KCNIP4: variants seen among roughly 807,000 people sequenced by gnomAD.
KCNIP4 encodes Kv channel-interacting protein 4.
In KCNIP4, 12 loss-of-function variants were observed where a neutral mutation model predicts 34.0. That is an observed-to-expected ratio of 0.35 (90% CI 0.23 to 0.57). KCNIP4 has a LOEUF of 0.57. KCNIP4 is among the 20% of genes least tolerant of loss of function. KCNIP4 has a pLI of 0.83. For missense variants in KCNIP4, 238 were observed against 311.7 expected, an observed-to-expected ratio of 0.76 and a Z score of 1.78; for synonymous variants, 124 against 102.2, an observed-to-expected ratio of 1.21 and a Z score of -1.29.
chr4:21,701,253 A>C (rs1282004265), intron 1 of KCNIP4, among the ~76,000 whole-genome samples: 1 of 152,206 alleles, frequency 6.6e-6, no homozygotes, highest in African/African-American at 2.4e-5. Flanking sequence ...AGAGGATGAG[A>C]GGGAAGGGCT....
intron 1 of KCNIP4, among the ~76,000 whole-genome samples, chr4:21,300,749 C>T (rs1308841001): frequency 6.6e-6 from 1 of 152,078 alleles, no homozygotes; most frequent in African/African-American, 2.4e-5. Flanking sequence ...AAAGATTAGT[C>T]TAACCATTAT....
rs10553440 is a variant in KCNIP4, at chr4:21,122,457, G to GT, written c.62-239749dup. Reference sequence around the variant, plus strand: ...AGTGGGGTTAATTTTTGCAGATCAAGTTTTTTTTTTTTTTTTTTTAAGTGC... The same window carrying GT: ...AGTGGGGTTAATTTTTGCAGATCAAGTTTTTTTTTTTTTTTTTTTTAAGTGC... On this transcript the variant is annotated intron_variant, in intron 1 of 8. Coordinates refer to ENST00000382152, the MANE Select transcript of KCNIP4 (RefSeq NM_025221.6). 2.3e-3 allele frequency among the ~76,000 whole-genome samples: 290 copies of GT among 126,376 alleles called. 1 individual carries two copies. Among genetic ancestry groups the GT allele is most frequent in the Admixed American group, 5.5e-3 (71 of 12,816 alleles). 82.9% of individuals were successfully genotyped at this position (126,376 alleles called of 152,430 possible). A position where few individuals can be genotyped will look rare whatever the true frequency, so the allele number is the denominator to read the frequency against.
intron 1 of KCNIP4, among the ~76,000 whole-genome samples, chr4:21,888,516 C>G (rs1436205902): frequency 6.6e-6 from 1 of 152,058 alleles, no homozygotes; most frequent in Non-Finnish European, 1.5e-5. Context: ...TAAAAGGAAA[C>G]TAGAAAGAAA....
intron 1 of KCNIP4, among the ~76,000 whole-genome samples, chr4:20,939,281 T>G (rs1731390402): frequency 6.6e-6 from 1 of 152,198 alleles, no homozygotes; most frequent in Non-Finnish European, 1.5e-5. Context: ...TGAAACTTGC[T>G]CATCTCAGCT....
intron 1 of KCNIP4, among the ~76,000 whole-genome samples, chr4:21,732,394 A>G (rs543021757): frequency 1.3e-5 from 2 of 152,158 alleles, no homozygotes; most frequent in African/African-American, 2.4e-5. Flanking sequence ...ACTAAGTTCA[A>G]TTCCCGAGAA....
chr4:21,358,224 C>T (rs80100267), intron 1 of KCNIP4, among the ~76,000 whole-genome samples: 38 of 152,002 alleles, frequency 2.5e-4, no homozygotes, highest in Admixed American at 5.9e-4. Flanking sequence ...ATGTAAATGA[C>T]GAGTTGATGT....
At chr4:21,609,066 C>G (rs2109140843) in intron 1 of KCNIP4, 1 of 152,212 alleles carries the variant, frequency 6.6e-6, no homozygotes, top group South Asian at 2.1e-4. Flanking sequence ...GATAAACTGA[C>G]TTTCCTGGGA....
intron 1 of KCNIP4, among the ~76,000 whole-genome samples, chr4:21,148,629 C>T (rs181705070): frequency 6.2e-4 from 92 of 149,326 alleles, no homozygotes; most frequent in Non-Finnish European, 1.1e-3. Flanking sequence ...TGTATCAGTT[C>T]AAAAAATATT....
Position 21,945,304 on chromosome 4 carries a change from T to C in KCNIP4, c.61+3267A>G, listed in dbSNP as rs13117726. 3.9e-5 allele frequency among the ~76,000 whole-genome samples: 6 copies of C among 152,298 alleles called. No homozygotes were observed. The East Asian group carries it at 1.2e-3, about 29-fold the overall frequency. On this transcript the variant is annotated intron_variant, in intron 1 of 8. Coordinates refer to ENST00000382152, the MANE Select transcript of KCNIP4 (RefSeq NM_025221.6). ...TTTATTTTATGAGAGGGCATAAGCT[T>C]CAGGCCTGGGGAGAGAGGGTGGCTG... is the stretch of plus-strand genomic sequence containing the variant.
rs192578369 is a variant in KCNIP4, at chr4:21,486,323, A to T, written c.61+462248T>A. 7.9e-5 allele frequency among the ~76,000 whole-genome samples: 12 copies of T among 152,228 alleles called. No individual in the cohort carries two copies. In the East Asian group the frequency reaches 1.9e-3, roughly 25 times the overall value. On this transcript the variant is annotated intron_variant, in intron 1 of 8. Coordinates refer to ENST00000382152, the MANE Select transcript of KCNIP4 (RefSeq NM_025221.6). ...CCTTAGAAGTATGCTTTGGGCTTGG[A>T]TTGGGACACGGATTTAGTAATTCCA...
In KCNIP4 at chr4:21,413,812, C is replaced by T. The variant is rs530196360; in HGVS notation, c.62-531103G>A. Among the ~76,000 whole-genome samples the T allele has an allele frequency of 2.0e-5, 3 of 152,294 alleles. No individual in the cohort carries two copies. The South Asian group carries it at 6.2e-4, about 32-fold the overall frequency. ...AACAGCTGAGGAAAGTTAGAGTTTA[C>T]GTAGTGTCTGAACTGTTGTATTGCA... is the stretch of plus-strand genomic sequence containing the variant. On this transcript the variant is annotated intron_variant, in intron 1 of 8. Coordinates refer to ENST00000382152, the MANE Select transcript of KCNIP4 (RefSeq NM_025221.6).
chr4:21,294,156 T>C (rs1271314614), intron 1 of KCNIP4, among the ~76,000 whole-genome samples: 1 of 152,110 alleles, frequency 6.6e-6, no homozygotes, highest in Non-Finnish European at 1.5e-5. Flanking sequence ...CTCATTAAGG[T>C]GTGTTTGATA....
At chr4:21,674,828 C>T (rs1749766457) in intron 1 of KCNIP4, among the ~76,000 whole-genome samples, 1 of 151,984 alleles carries the variant, frequency 6.6e-6, no homozygotes, top group Admixed American at 6.6e-5. Flanking sequence ...GTGAGTTTTG[C>T]CACACCTGAG....
At chr4:21,872,971 T>G (rs1447585430) in intron 1 of KCNIP4, among the ~76,000 whole-genome samples, 1 of 152,210 alleles carries the variant, frequency 6.6e-6, no homozygotes, top group African/African-American at 2.4e-5. Flanking sequence ...TAATCATTCA[T>G]GATTTCCAAC....
At chr4:20,824,402 C>T (rs1182789824) in intron 3 of KCNIP4, among the ~76,000 whole-genome samples, 1 of 152,132 alleles carries the variant, frequency 6.6e-6, no homozygotes, top group Non-Finnish European at 1.5e-5. Context: ...ATTCTTTAGG[C>T]CAGGCGTGGT....
chr4:21,727,055 G>A (rs572597063), intron 1 of KCNIP4, among the ~76,000 whole-genome samples: 1 of 136,130 alleles, frequency 7.3e-6, no homozygotes, highest in South Asian at 3.3e-4. Context: ...TTGTTGGTTA[G>A]TACTCTAGAA....
intron 1 of KCNIP4, among the ~76,000 whole-genome samples, chr4:21,002,593 C>G (rs1054131812): frequency 2.0e-5 from 3 of 152,124 alleles, no homozygotes; most frequent in East Asian, 1.9e-4. Flanking sequence ...CAATGCTGTT[C>G]GAAGTGTGGC....
intron 1 of KCNIP4, among the ~76,000 whole-genome samples, chr4:21,891,413 A>C (rs908436883): frequency 2.0e-5 from 3 of 152,128 alleles, no homozygotes; most frequent in Non-Finnish European, 4.4e-5. Context: ...ATTCCATAGG[A>C]AAGTTCCATA....
intron 1 of KCNIP4, among the ~76,000 whole-genome samples, chr4:21,631,054 A>T (rs1350216299): frequency 1.3e-4 from 20 of 152,158 alleles, no homozygotes; most frequent in Non-Finnish European, 1.5e-5. Flanking sequence ...TCCTCACTAT[A>T]TTCGGTAAGG....
Sources: gnomAD v4.1 joint callset for allele counts (sites outside exome capture counted in the v4.1 genomes callset) on GRCh38, gnomAD v4.1.1 for gene constraint, MANE v1.5 for transcripts, NCBI Gene and HGNC (gene_info 2026-07-23, HGNC 2026-07-21) for gene names.